SYT1: variants seen among roughly 807,000 people sequenced by gnomAD.
The protein encoded by SYT1 is synaptotagmin-1.
A neutral mutation model predicts 44.8 loss-of-function variants in SYT1; 8 were observed. The observed-to-expected ratio is 0.18, with a 90% CI of 0.10 to 0.32. SYT1 has a LOEUF of 0.32. Ranked by LOEUF, SYT1 falls within the 10% of genes least tolerant of loss-of-function variation. The pLI is 1.00. For synonymous variants in SYT1, 154 were observed against 188.8 expected, an observed-to-expected ratio of 0.82 and a Z score of 1.51; for missense variants, 286 against 509.3, an observed-to-expected ratio of 0.56 and a Z score of 4.22.
intron 3 of SYT1, among the ~76,000 whole-genome samples, chr12:79,162,289 C>T (rs1870994557): frequency 6.6e-6 from 1 of 152,064 alleles, no homozygotes; most frequent in South Asian, 2.1e-4. Context: ...TAGGTGAAGC[C>T]TCCCATTGAT....
At chr12:79,444,345 G>A in intron 10 of SYT1, 139 bp downstream of exon 10, 2 of 1,089,314 alleles carry the variant, frequency 1.8e-6, no homozygotes, top group Non-Finnish European at 2.6e-6. Flanking sequence ...CACATTTGAT[G>A]CTTGAGCTAC....
intron 3 of SYT1, among the ~76,000 whole-genome samples, chr12:79,217,180 G>A (rs1478428359): frequency 6.6e-6 from 1 of 151,666 alleles, no homozygotes; most frequent in African/African-American, 2.4e-5. Context: ...ACACGTTTTG[G>A]TAAGATATGG....
At chr12:79,211,912 C>T (rs909544262) in intron 3 of SYT1, among the ~76,000 whole-genome samples, 4 of 152,102 alleles carry the variant, frequency 2.6e-5, no homozygotes, top group Admixed American at 6.5e-5. Context: ...TGTACCCTCA[C>T]CTTCACTATC....
intron 3 of SYT1, among the ~76,000 whole-genome samples, chr12:79,051,288 A>C (rs1168530544): frequency 6.6e-6 from 1 of 150,864 alleles, no homozygotes. Context: ...AAAGTTATAT[A>C]TCTCCACAGT....
At chr12:79,153,360 C>T (rs544837956) in intron 3 of SYT1, among the ~76,000 whole-genome samples, 4 of 152,132 alleles carry the variant, frequency 2.6e-5, no homozygotes, top group South Asian at 2.1e-4. Context: ...AATTGTAGGT[C>T]GGAAGAAGAG....
At chr12:79,293,329 A>C (rs1189046584) in intron 6 of SYT1, among the ~76,000 whole-genome samples, 1 of 3,766 alleles carries the variant, frequency 2.7e-4, no homozygotes, top group Non-Finnish European at 4.4e-4. Flanking sequence ...ATCTCAAAAA[A>C]TAAAATAAAA....
At chr12:78,887,937 C>T (rs17045869) in intron 1 of SYT1, among the ~76,000 whole-genome samples, 2 of 151,466 alleles carry the variant, frequency 1.3e-5, no homozygotes, top group African/African-American at 4.8e-5. Context: ...TAATTAAAAC[C>T]AACTAACTGA....
At chr12:79,145,094 C>G (rs962940198) in intron 3 of SYT1, among the ~76,000 whole-genome samples, 26 of 152,276 alleles carry the variant, frequency 1.7e-4, no homozygotes, top group African/African-American at 6.0e-4. Flanking sequence ...TAATGAGGAT[C>G]AAGCTAGATA....
At chr12:79,017,598 G>T (rs1729936458) in intron 2 of SYT1, among the ~76,000 whole-genome samples, 1 of 152,122 alleles carries the variant, frequency 6.6e-6, no homozygotes, top group South Asian at 2.1e-4. Flanking sequence ...ATGACACATT[G>T]TGGGGAGGGG....
chr12:78,895,645 G>A (rs971119109), intron 1 of SYT1, among the ~76,000 whole-genome samples: 5 of 151,510 alleles, frequency 3.3e-5, no homozygotes, highest in South Asian at 2.1e-4. Context: ...TGAAGCCACC[G>A]GGCACAAAAA....
At chr12:79,133,483 T>C (rs934495710) in intron 3 of SYT1, among the ~76,000 whole-genome samples, 2 of 152,228 alleles carry the variant, frequency 1.3e-5, no homozygotes, top group Non-Finnish European at 2.9e-5. Flanking sequence ...TAATTATACC[T>C]TGTATGCATG....
At chr12:79,115,034 T>TG (rs1879203997) in intron 3 of SYT1, among the ~76,000 whole-genome samples, 1 of 152,220 alleles carries the variant, frequency 6.6e-6, no homozygotes, top group African/African-American at 2.4e-5. Context: ...TCCCACTCTT[T>TG]TCTCTTTAAA....
At position 79,062,342 on chromosome 12, in the gene SYT1, T is replaced by C. The variant is rs1380178033; in HGVS notation, c.-18+14980T>C. Among the ~76,000 whole-genome samples the C allele has an allele frequency of 2.0e-5, 3 of 152,184 alleles. No individual in the cohort carries two copies. The East Asian group carries it at 5.8e-4, about 29-fold the overall frequency. On this transcript the variant is annotated intron_variant, in intron 3 of 10. Transcript: ENST00000261205. ...ACAGTAGCTGCCTACCAGGTTTGCCTTCATTGACTTTTCAATGTTCTGTTA... is the reference window on the plus strand; with the variant it reads ...ACAGTAGCTGCCTACCAGGTTTGCCCTCATTGACTTTTCAATGTTCTGTTA...
chr12:79,274,092 A>G (rs553294316), intron 4 of SYT1, among the ~76,000 whole-genome samples: 22 of 152,334 alleles, frequency 1.4e-4, no homozygotes, highest in South Asian at 8.3e-4. Context: ...GAAAAAATAA[A>G]TAAATAAGAA....
chr12:78,897,641 A>T (rs1225396947), intron 1 of SYT1, among the ~76,000 whole-genome samples: 1 of 152,034 alleles, frequency 6.6e-6, no homozygotes, highest in Non-Finnish European at 1.5e-5. Context: ...AAGGATCTAT[A>T]TATAACTTAT....
At chr12:78,905,682 A>T (rs963280439) in intron 1 of SYT1, among the ~76,000 whole-genome samples, 1 of 152,038 alleles carries the variant, frequency 6.6e-6, no homozygotes, top group Non-Finnish European at 1.5e-5. Flanking sequence ...TTTCAGTTTC[A>T]ATAAAATAAA....
intron 3 of SYT1, among the ~76,000 whole-genome samples, chr12:79,181,025 C>T (rs1872510466): frequency 6.6e-6 from 1 of 152,068 alleles, no homozygotes; most frequent in African/African-American, 2.4e-5. Context: ...GCTGCCGCCA[C>T]ATGAAGAAGG....
At chr12:79,159,401 G>A (rs1032988241) in intron 3 of SYT1, among the ~76,000 whole-genome samples, 5 of 152,168 alleles carry the variant, frequency 3.3e-5, no homozygotes, top group African/African-American at 1.2e-4. Context: ...CCCCTTATCT[G>A]TGGATTGCTT....
intron 3 of SYT1, among the ~76,000 whole-genome samples, chr12:79,127,439 CAAGAG>C (rs770766589): frequency 7.2e-5 from 11 of 152,180 alleles, no homozygotes; most frequent in Non-Finnish European, 1.3e-4. Context: ...TATTTAAGAG[CAAGAG>C]TTTTGAAGCC....
Sources: allele counts gnomAD v4.1 joint callset (sites outside exome capture counted in the v4.1 genomes callset), GRCh38; gene constraint gnomAD v4.1.1; transcripts MANE v1.5; gene names NCBI Gene and HGNC (gene_info 2026-07-23, HGNC 2026-07-21).